NPAS1: variants seen among roughly 807,000 people sequenced by gnomAD.
NPAS1 encodes neuronal PAS domain protein 1.
Under a neutral mutation model 49.2 loss-of-function variants are expected in NPAS1, and 29 were observed. That is an observed-to-expected ratio of 0.59 (90% confidence interval 0.44 to 0.80). The LOEUF (loss-of-function observed/expected upper bound fraction) is 0.80. Ranked by LOEUF, NPAS1 falls within the 30% of genes least tolerant of loss-of-function variation. The pLI is 0.00. For synonymous variants in NPAS1, 408 were observed against 380.4 expected, an observed-to-expected ratio of 1.07 and a Z score of -0.84; for missense variants, 825 against 835.5, an observed-to-expected ratio of 0.99 and a Z score of 0.15.
intron 7 of NPAS1, 64 bp from the exon 8 acceptor site, chr19:47,039,343 T>A (rs1397279222): frequency 1.3e-6 from 2 of 1,596,418 alleles, no homozygotes; most frequent in East Asian, 2.2e-5. Flanking sequence ...CCCAGCCCAG[T>A]GATGGTCCTC....
At chr19:47,042,685 T>C (rs2303105) in intron 10 of NPAS1, 125 bp from the exon 11 acceptor site, 47,694 of 668,422 alleles carry the variant, frequency 0.071, 1,910 homozygotes, top group East Asian at 0.14. Flanking sequence ...TGTAAGTGCC[T>C]CAGGGTGGGG....
chr19:47,030,399 T>C (rs926405828), intron 3 of NPAS1, among the ~76,000 whole-genome samples: 2 of 152,180 alleles, frequency 1.3e-5, no homozygotes, highest in Admixed American at 1.3e-4. Context: ...TTCATTTTCC[T>C]AGTGACTAAT....
chr19:47,031,646 T>C (rs1013546024), intron 3 of NPAS1, among the ~76,000 whole-genome samples: 1 of 151,686 alleles, frequency 6.6e-6, no homozygotes, highest in Non-Finnish European at 1.5e-5. Context: ...TTCTCCTGCC[T>C]CAACCTCCCG....
intron 3 of NPAS1, among the ~76,000 whole-genome samples, 184 bp from the exon 4 acceptor site, chr19:47,032,094 T>A (rs2056909317): frequency 6.6e-6 from 1 of 152,094 alleles, no homozygotes; most frequent in Admixed American, 6.6e-5. Context: ...AGTCAGTCTG[T>A]CACTCACTGT....
chr19:47,036,562 A>T (rs2056958550), intron 6 of NPAS1, among the ~76,000 whole-genome samples: 1 of 151,944 alleles, frequency 6.6e-6, no homozygotes. Context: ...ACATAGTGAA[A>T]CCTCATCTCT....
In NPAS1 at chr19:47,045,690, CG is replaced by C; in HGVS notation, c.*43del. The C allele has an allele frequency of 7.3e-7, 1 of 1,377,222 alleles. No individual in the cohort carries two copies. Among genetic ancestry groups the C allele is most frequent in the Non-Finnish European group, 9.4e-7 (1 of 1,065,412 alleles). 85.3% of individuals were successfully genotyped at this position (1,377,222 alleles called of 1,614,324 possible). A position where few individuals can be genotyped will look rare whatever the true frequency, so the allele number is the denominator to read the frequency against. On this transcript the variant is annotated 3_prime_UTR_variant, in exon 12 of 12. Coordinates refer to ENST00000602212, the MANE Select transcript of NPAS1 (RefSeq NM_002517.4). Reference sequence around the variant, plus strand: ...TGCCGGCGCCGGACCCTGCGACAACCGGGGTCCCCCAGGACAGTAGGCCCGG... The same window carrying C: ...TGCCGGCGCCGGACCCTGCGACAACCGGGTCCCCCAGGACAGTAGGCCCGG...
Position 47,039,575 on chromosome 19 carries a change from T to TG in NPAS1, c.962+16dup. 1 of 1,544,988 alleles carries TG rather than the reference T, an allele frequency of 6.5e-7. No homozygotes were observed. Among genetic ancestry groups the TG allele is most frequent in the Non-Finnish European group, 8.7e-7 (1 of 1,142,956 alleles). On this transcript the variant is annotated intron_variant, in intron 8 of 11. Transcript: ENST00000602212. ...TGCTTGTGAGAGCAGGTACCGGGGT[T>TG]GGGGGCTGTGGCGGGTGGATTGGGG...
chr19:47,020,894 G>GC (rs560286873), intron 1 of NPAS1, 112 bp from the exon 2 acceptor site: 10,571 of 271,038 alleles, frequency 0.039, 695 homozygotes, highest in Admixed American at 0.059. Flanking sequence ...CATCATCCAG[G>GC]CCCCCCCCCC....
At chr19:47,023,763 G>A (rs1292395805) in intron 3 of NPAS1, among the ~76,000 whole-genome samples, 1 of 152,010 alleles carries the variant, frequency 6.6e-6, no homozygotes, top group Non-Finnish European at 1.5e-5. Flanking sequence ...GACCAGCCAG[G>A]GCAACATAGC....
intron 3 of NPAS1, among the ~76,000 whole-genome samples, chr19:47,029,697 G>A (rs1374973552): frequency 1.3e-5 from 2 of 152,116 alleles, no homozygotes; most frequent in Non-Finnish European, 2.9e-5. Context: ...CACAGTGCCC[G>A]GCCTCCCCAT....
Position 47,045,344 on chromosome 19 carries a change from C to T in NPAS1, c.1466C>T (p.Thr489Ile). ...GAGGATCCCTCCAGCCACCCGGCCA[C>T]ACCGAGGCCCGAGTTCACCTCTGTC... ...GDEDPSSHPATPRPEFTSVIR... is the reference protein window; with the variant it reads ...GDEDPSSHPAIPRPEFTSVIR... The change falls in exon 12 of 12, where the codon ACA becomes ATA. Residue 489 changes from threonine to isoleucine, a missense_variant. By Grantham distance (89) the Thr-to-Ile change is moderately conservative. Coordinates refer to ENST00000602212, the MANE Select transcript of NPAS1 (RefSeq NM_002517.4). 1 of 1,613,858 alleles carries T rather than the reference C, an allele frequency of 6.2e-7. No individual in the cohort carries two copies. Among genetic ancestry groups the T allele is most frequent in the Non-Finnish European group, 8.5e-7 (1 of 1,179,992 alleles).
At chr19:47,022,232 C>G (rs1018208686) in intron 3 of NPAS1, among the ~76,000 whole-genome samples, 2 of 152,210 alleles carry the variant, frequency 1.3e-5, no homozygotes, top group Admixed American at 1.3e-4. Context: ...GCGAGATACC[C>G]TGGATCCAGA....
chr19:47,032,244 A>G (rs1181886812), intron 3 of NPAS1, 34 bp from the exon 4 acceptor site: 2 of 1,601,678 alleles, frequency 1.2e-6, no homozygotes, highest in South Asian at 1.1e-5. Context: ...AGGGTCAGCC[A>G]GACTAACAGG....
Position 47,045,456 on chromosome 19 carries a change from G to C in NPAS1, c.1578G>C (p.Ala526=). 1 of 1,591,876 alleles carries C rather than the reference G, an allele frequency of 6.3e-7. No homozygotes were observed. The highest frequency in any genetic ancestry group is 1.3e-5 in the African/African-American group (1 of 74,384). ...ACCCCCCGCCCACCCTCCTGCACGC[G>C]GGCTTCCTGCCGCCGGTGGTGCGGG... ...PGDPPPTLLH[A]GFLPPVVRGL... is the part of the protein sequence containing the mutation. The change falls in exon 12 of 12, where the codon GCG becomes GCC. Residue 526 remains alanine (A), a synonymous_variant. Transcript: ENST00000602212.
chr19:47,041,532 C>T (rs534858321), intron 10 of NPAS1, among the ~76,000 whole-genome samples: 16 of 152,120 alleles, frequency 1.1e-4, no homozygotes, highest in Admixed American at 3.3e-4. Flanking sequence ...AAGCAACAGC[C>T]TGACCCTAAA....
chr19:47,035,000 G>A (rs1292196620), intron 5 of NPAS1, among the ~76,000 whole-genome samples: 1 of 151,270 alleles, frequency 6.6e-6, no homozygotes, highest in African/African-American at 2.5e-5. Context: ...TGACCAACAT[G>A]GAGAAACCCC....
In NPAS1 at chr19:47,020,987, T is replaced by C. The variant is rs1342311376; in HGVS notation, c.-42-19T>C. 3.5e-6 allele frequency: 5 copies of C among 1,436,510 alleles called. No homozygotes were observed. The East Asian group carries it at 1.4e-4, about 41-fold the overall frequency. 89.0% of individuals were successfully genotyped at this position (1,436,510 alleles called of 1,614,324 possible). On this transcript the variant is annotated intron_variant, in intron 1 of 11. Coordinates refer to ENST00000602212, the MANE Select transcript of NPAS1 (RefSeq NM_002517.4). The stretch of plus-strand genomic sequence containing the variant: ...TCCCGAGGGCACTAAGCGTTGCCCC[T>C]GGCCCCCTCCCGCTGCAGGAGACTC...
At position 47,021,622 on chromosome 19, in the gene NPAS1, C is replaced by T; in HGVS notation, c.133C>T (p.Gln45Ter). The change falls in exon 3 of 12, where the codon CAG becomes TAG. Residue 45 changes from glutamine (Q) to a stop codon, truncating the protein, a stop_gained. Transcript: ENST00000602212. LOFTEE classifies it high-confidence loss of function. This position sits in a 1 kb window ranked among gnomAD's most constrained non-coding sequence, Gnocchi z 5.7. ...GCGCCGCCCGCCCAGCCTGCAGGCG[C>T]AGCGCAAGGAGAAGTCCCGGAACGC... The part of the protein sequence containing the change: ...KAPSGPCLQA[Q>*]RKEKSRNAAR... The T allele has an allele frequency of 6.6e-7, 1 of 1,514,722 alleles. No individual in the cohort carries two copies. Among genetic ancestry groups the T allele is most frequent in the Non-Finnish European group, 8.8e-7 (1 of 1,130,928 alleles). 93.8% of individuals were successfully genotyped at this position (1,514,722 alleles called of 1,614,324 possible). A position where few individuals can be genotyped will look rare whatever the true frequency, so the allele number is the denominator to read the frequency against.
intron 1 of NPAS1, among the ~76,000 whole-genome samples, chr19:47,020,469 T>TG (rs1240167835): frequency 6.6e-6 from 1 of 150,992 alleles, no homozygotes; most frequent in East Asian, 2.0e-4. Flanking sequence ...CCCGAGAGGC[T>TG]GGGGGGATCC....
Sources: allele counts gnomAD v4.1 joint callset (sites outside exome capture counted in the v4.1 genomes callset), GRCh38; gene constraint gnomAD v4.1.1; non-coding constraint Gnocchi (gnomAD v3.1); transcripts MANE v1.5; gene names NCBI Gene and HGNC (gene_info 2026-07-23, HGNC 2026-07-21).